The following CDH13 variants were observed in gnomAD, a reference collection of about 807,000 sequenced individuals.
The protein encoded by CDH13 is cadherin 13.
CDH13 carries 24 observed loss-of-function variants against 63.8 expected under a neutral mutation model. The ratio of observed to expected loss-of-function variants is 0.38; its 90% CI spans 0.27 to 0.53. The LOEUF (loss-of-function observed/expected upper bound fraction) is 0.53. Ranked by LOEUF, CDH13 falls within the 20% of genes least tolerant of loss-of-function variation. CDH13 has a pLI of 0.85. For missense variants in CDH13, 1,049 were observed against 903.1 expected (o/e 1.16, Z -2.07); for synonymous variants, 503 against 355.3 (o/e 1.42, Z -4.67).
chr16:82,671,617 A>C (rs9928271), intron 1 of CDH13, among the ~76,000 whole-genome samples: 5,877 of 152,294 alleles, frequency 0.039, 378 homozygotes, highest in African/African-American at 0.13. Context: ...GTGGTCACTG[A>C]AAGAGCATAG....
intron 2 of CDH13, among the ~76,000 whole-genome samples, chr16:82,879,151 G>A (rs1006687684): frequency 5.3e-5 from 8 of 152,102 alleles, no homozygotes; most frequent in African/African-American, 1.9e-4. Context: ...CACAGCTCTG[G>A]TCCTCATAGT....
chr16:83,090,891 GA>G (rs36114971), intron 3 of CDH13, among the ~76,000 whole-genome samples: 36 of 147,204 alleles, frequency 2.4e-4, no homozygotes, highest in African/African-American at 7.6e-4. Context: ...AAACCATTTT[GA>G]AAAAAAAAAA....
intron 8 of CDH13, among the ~76,000 whole-genome samples, chr16:83,651,487 G>A (rs1335128303): frequency 1.3e-5 from 2 of 151,714 alleles, no homozygotes; most frequent in South Asian, 2.1e-4. Context: ...ATGGAGACAC[G>A]GAGAGGTTAA....
At chr16:83,354,764 G>T (rs1159238449) in intron 6 of CDH13, among the ~76,000 whole-genome samples, 3 of 152,164 alleles carry the variant, frequency 2.0e-5, no homozygotes, top group African/African-American at 7.2e-5. Context: ...CAGGGAGATG[G>T]GCAAGGGCAA....
chr16:83,492,074 C>A (rs1477388493), intron 7 of CDH13, among the ~76,000 whole-genome samples: 1 of 152,048 alleles, frequency 6.6e-6, no homozygotes, highest in South Asian at 2.1e-4. Context: ...TAGCTGCAAG[C>A]CCAAAGAGAA....
chr16:83,745,637 C>G (rs1183689737), intron 10 of CDH13, among the ~76,000 whole-genome samples: 3 of 152,158 alleles, frequency 2.0e-5, no homozygotes, highest in African/African-American at 4.8e-5. Flanking sequence ...CCTGGCTCCC[C>G]TTCTCAACAA....
In CDH13 at chr16:83,579,353, A is replaced by C. The variant is rs147259626; in HGVS notation, c.961-23101A>C. On this transcript the variant is annotated intron_variant, in intron 7 of 13. Coordinates refer to ENST00000567109, the MANE Select transcript of CDH13 (RefSeq NM_001257.5). ...GGCAATATATAAAGAAAAGAGGTTTAATTGGCTCACAGTTCCACAGGCTGT... is the reference window on the plus strand; with the variant it reads ...GGCAATATATAAAGAAAAGAGGTTTCATTGGCTCACAGTTCCACAGGCTGT... Among the ~76,000 whole-genome samples the C allele has an allele frequency of 7.4e-4, 113 of 152,326 alleles. 2 individuals are homozygous for C. Among genetic ancestry groups the C allele is most frequent in the Middle Eastern group, 3.4e-3 (1 of 294 alleles).
intron 7 of CDH13, among the ~76,000 whole-genome samples, chr16:83,588,948 T>A (rs1476651147): frequency 6.6e-6 from 1 of 152,004 alleles, no homozygotes; most frequent in Non-Finnish European, 1.5e-5. Context: ...CCAGAGAAGG[T>A]GTACTCGTTT....
chr16:82,976,365 G>A (rs900823491), intron 2 of CDH13, among the ~76,000 whole-genome samples: 7 of 152,150 alleles, frequency 4.6e-5, no homozygotes, highest in Non-Finnish European at 7.3e-5. Context: ...CTTTATTAGA[G>A]AATGTATCTC....
At chr16:82,840,629 G>A (rs1364879380) in intron 1 of CDH13, among the ~76,000 whole-genome samples, 1 of 147,350 alleles carries the variant, frequency 6.8e-6, no homozygotes, top group African/African-American at 2.5e-5. Context: ...AGGTTGCAGT[G>A]AGCTGAGACC....
chr16:83,531,830 A>T (rs2075090374), intron 7 of CDH13, among the ~76,000 whole-genome samples: 1 of 152,174 alleles, frequency 6.6e-6, no homozygotes, highest in Non-Finnish European at 1.5e-5. Flanking sequence ...TGGCCTCCAA[A>T]ACTGTAAGAG....
chr16:83,075,327 A>G (rs1475815555), intron 3 of CDH13, among the ~76,000 whole-genome samples: 1 of 152,198 alleles, frequency 6.6e-6, no homozygotes. Flanking sequence ...CGTGAAGATG[A>G]ACTTGTGACA....
intron 2 of CDH13, among the ~76,000 whole-genome samples, chr16:82,868,614 C>A (rs1468176672): frequency 6.6e-6 from 1 of 152,158 alleles, no homozygotes; most frequent in East Asian, 1.9e-4. Context: ...AGGTGGAGTT[C>A]CCTTGGCCTA....
rs188381336 is a variant in CDH13, at chr16:82,882,214, A to G, written c.157+23741A>G. 6.3e-4 allele frequency among the ~76,000 whole-genome samples: 96 copies of G among 152,342 alleles called. 1 individual carries two copies. The highest frequency in any genetic ancestry group is 2.0e-3 in the African/African-American group (85 of 41,584). On this transcript the variant is annotated intron_variant, in intron 2 of 13. Transcript: ENST00000567109. ...AATAAAGCACACAAGTGTCACAAAG[A>G]TATTAACATAATAATAAGCATTAAT... is the stretch of plus-strand genomic sequence containing the variant.
intron 1 of CDH13, among the ~76,000 whole-genome samples, chr16:82,821,893 A>G (rs928532975): frequency 6.6e-6 from 1 of 152,176 alleles, no homozygotes; most frequent in Non-Finnish European, 1.5e-5. Flanking sequence ...TGGACCATCT[A>G]TGCTTCCTAA....
At chr16:83,016,396 A>G (rs1304792493) in intron 2 of CDH13, among the ~76,000 whole-genome samples, 1 of 152,328 alleles carries the variant, frequency 6.6e-6, no homozygotes, top group African/African-American at 2.4e-5. Context: ...GAGTCTGCTA[A>G]TATTTTTTGA....
At chr16:82,680,874 C>T (rs904563453) in intron 1 of CDH13, among the ~76,000 whole-genome samples, 4 of 152,106 alleles carry the variant, frequency 2.6e-5, no homozygotes, top group Admixed American at 1.3e-4. Flanking sequence ...GGCCATAAAG[C>T]GAGGGAGCTG....
At chr16:83,201,222 C>T (rs2039020489) in intron 4 of CDH13, among the ~76,000 whole-genome samples, 1 of 152,072 alleles carries the variant, frequency 6.6e-6, no homozygotes, top group African/African-American at 2.4e-5. Flanking sequence ...ATTTGAGTTT[C>T]TACTATGGAC....
chr16:83,424,835 T>C (rs1229209561), intron 6 of CDH13, among the ~76,000 whole-genome samples: 3 of 152,194 alleles, frequency 2.0e-5, no homozygotes, highest in African/African-American at 4.8e-5. Flanking sequence ...CAGGTAGCTC[T>C]TCGCAGCTTG....
Sources: allele counts gnomAD v4.1 joint callset (sites outside exome capture counted in the v4.1 genomes callset), GRCh38; gene constraint gnomAD v4.1.1; transcripts MANE v1.5; gene names NCBI Gene and HGNC (gene_info 2026-07-23, HGNC 2026-07-21).